Variants in RABGAP1 observed in about 807,000 individuals in gnomAD.
The protein encoded by RABGAP1 is RAB GTPase activating protein 1, also known as rab GTPase-activating protein 1.
Under a neutral mutation model 137.6 loss-of-function variants are expected in RABGAP1, and 23 were observed. That is an observed-to-expected ratio of 0.17 (90% CI 0.12 to 0.24). The LOEUF is 0.24. RABGAP1 is among the 10% of genes least tolerant of loss of function. The pLI is 1.00. For missense variants in RABGAP1, 906 were observed against 1,275.8 expected, an observed-to-expected ratio of 0.71 and a Z score of 4.42; for synonymous variants, 451 against 450.7, an observed-to-expected ratio of 1.00 and a Z score of -0.01.
chr9:122,987,029 C>T (rs1019172554), intron 4 of RABGAP1, among the ~76,000 whole-genome samples: 2 of 152,068 alleles, frequency 1.3e-5, no homozygotes, highest in Admixed American at 6.6e-5. Context: ...CCCAGCTACT[C>T]AGGAGGCTGA....
intron 12 of RABGAP1, among the ~76,000 whole-genome samples, chr9:123,017,853 G>C (rs2031345336): frequency 6.6e-6 from 1 of 152,156 alleles, no homozygotes; most frequent in Non-Finnish European, 1.5e-5. Flanking sequence ...TGGTGCATAG[G>C]TTAAGGCATT....
At chr9:122,938,690 CATA>C (rs1170183014), upstream of RABGAP1, 14 of 152,084 alleles carry the variant, frequency 9.2e-5, no homozygotes, top group African/African-American at 3.4e-4. Context: ...ATGTATCTAA[CATA>C]ATATCTAACA....
chr9:123,024,859 T>C (rs1387535486), intron 13 of RABGAP1, among the ~76,000 whole-genome samples: 1 of 152,232 alleles, frequency 6.6e-6, no homozygotes, highest in Non-Finnish European at 1.5e-5. Flanking sequence ...CTAAACACTC[T>C]CCATATATTA....
chr9:123,031,693 A>G (rs1040408662), intron 13 of RABGAP1, among the ~76,000 whole-genome samples: 1 of 152,148 alleles, frequency 6.6e-6, no homozygotes, highest in African/African-American at 2.4e-5. Context: ...ATTGATTCCT[A>G]AGTTTCATAC....
At chr9:122,993,460 C>CG (rs1219453061) in intron 6 of RABGAP1, among the ~76,000 whole-genome samples, 8 of 152,148 alleles carry the variant, frequency 5.3e-5, no homozygotes, top group African/African-American at 1.9e-4. Flanking sequence ...TTAGTAGAGA[C>CG]GGGGTTTCAC....
the RABGAP1 span, among the ~76,000 whole-genome samples, chr9:122,934,590 C>T: frequency 6.6e-6 from 1 of 152,004 alleles, no homozygotes; most frequent in Non-Finnish European, 1.5e-5. Flanking sequence ...GAAGCTGGAA[C>T]TCCTGAGCTC....
rs10675843 is a variant in RABGAP1, at chr9:123,103,963, TTG to T, written c.*782_*783del. Reference sequence around the variant, plus strand: ...ACAAATCTTATTTTGCTTAATGTGTTTGTGTGTGTGTGTGTGTGTGTGTGTGT... The same window carrying T: ...ACAAATCTTATTTTGCTTAATGTGTTTGTGTGTGTGTGTGTGTGTGTGTGT... On this transcript the variant is annotated 3_prime_UTR_variant, in exon 26 of 26. Coordinates refer to ENST00000373647, the MANE Select transcript of RABGAP1 (RefSeq NM_012197.4). 37,817 of 141,254 alleles carry T rather than the reference TTG, an allele frequency of 0.27. 5,673 individuals carry two copies. The highest frequency in any genetic ancestry group is 0.36 in the Non-Finnish European group (23,771 of 65,646). The allele number at this position is 141,254 out of a possible 1,614,324, so 8.8% of individuals were successfully genotyped here.
chr9:122,944,469 A>G (rs12338141), intron 1 of RABGAP1, among the ~76,000 whole-genome samples: 11 of 152,094 alleles, frequency 7.2e-5, no homozygotes, highest in African/African-American at 2.4e-4. Context: ...GCCTCAAGCA[A>G]TCCTCCCACT....
the RABGAP1 span, among the ~76,000 whole-genome samples, chr9:122,931,955 A>G: frequency 6.6e-6 from 1 of 151,972 alleles, no homozygotes; most frequent in Non-Finnish European, 1.5e-5. Flanking sequence ...TCACTTTTGG[A>G]TGTGTTTTTC....
upstream of RABGAP1, among the ~76,000 whole-genome samples, chr9:122,937,470 G>T (rs1190715182): frequency 6.6e-6 from 1 of 152,064 alleles, no homozygotes; most frequent in African/African-American, 2.4e-5. Flanking sequence ...GGTGGCGTAC[G>T]CCTGTAATCT....
intron 10 of RABGAP1, among the ~76,000 whole-genome samples, chr9:123,008,777 G>T (rs2030539557): frequency 1.3e-5 from 2 of 151,996 alleles, no homozygotes; most frequent in Non-Finnish European, 1.5e-5. Flanking sequence ...GCAAAACTCT[G>T]AGTACTTGTG....
rs1421374725 is a variant in RABGAP1 at position 123,103,406 on chromosome 9, C to T, written c.*193C>T. On this transcript the variant is annotated 3_prime_UTR_variant, in exon 26 of 26. Coordinates refer to ENST00000373647, the MANE Select transcript of RABGAP1 (RefSeq NM_012197.4). ...TCTGGGGTAAGACTACTGATACTAACAGGCCTGCTAGCTCAGCCGACGCTC... is the reference window on the plus strand; with the variant it reads ...TCTGGGGTAAGACTACTGATACTAATAGGCCTGCTAGCTCAGCCGACGCTC... The T allele has an allele frequency of 1.3e-6, 1 of 752,938 alleles. No homozygotes were observed. Among genetic ancestry groups the T allele is most frequent in the East Asian group, 3.2e-5 (1 of 31,086 alleles). The allele number at this position is 752,938 out of a possible 1,614,324, so 46.6% of individuals were successfully genotyped here.
chr9:123,060,033 G>A (rs76530451), intron 13 of RABGAP1, among the ~76,000 whole-genome samples: 2,396 of 152,290 alleles, frequency 0.016, 35 homozygotes, highest in South Asian at 0.066. Context: ...ATGATTCATG[G>A]TAGCTAGAAT....
intron 23 of RABGAP1, among the ~76,000 whole-genome samples, 184 bp downstream of exon 23, chr9:123,098,982 G>A (rs985906830): frequency 2.6e-5 from 4 of 151,722 alleles, no homozygotes; most frequent in African/African-American, 9.7e-5. Context: ...AATCATCCCT[G>A]CCTAGGAAGG....
intron 2 of RABGAP1, among the ~76,000 whole-genome samples, chr9:122,977,528 C>A (rs1380575808): frequency 6.6e-6 from 1 of 152,006 alleles, no homozygotes; most frequent in Non-Finnish European, 1.5e-5. Flanking sequence ...ATGGTGAAAC[C>A]CACCCCATCT....
At position 123,070,246 on chromosome 9, in the gene RABGAP1, T is replaced by TG; in HGVS notation, c.1909-101dup. On this transcript the variant is annotated intron_variant, in intron 14 of 25. Coordinates refer to ENST00000373647, the MANE Select transcript of RABGAP1 (RefSeq NM_012197.4). The surrounding 1 kb of genome is among the most constrained non-coding windows in gnomAD (Gnocchi z 4.4). Reference sequence around the variant, plus strand: ...TGTCTGTCAAAATGCTGTCCCAGTGTGGGTAGCATCCTCCAGGGTTCTGTA... The same window carrying TG: ...TGTCTGTCAAAATGCTGTCCCAGTGTGGGGTAGCATCCTCCAGGGTTCTGTA... 1 of 1,538,040 alleles carries TG rather than the reference T, an allele frequency of 6.5e-7. No individual in the cohort carries two copies. The highest frequency in any genetic ancestry group is 8.7e-7 in the Non-Finnish European group (1 of 1,144,686).
At chr9:122,995,915 T>C (rs1248108145) in intron 6 of RABGAP1, 126 bp from the exon 7 acceptor site, 1 of 1,436,362 alleles carries the variant, frequency 7.0e-7, no homozygotes, top group African/African-American at 1.5e-5. Flanking sequence ...TTTTTTTCTT[T>C]TTTGTTATTA....
At chr9:122,959,058 T>TA (rs564445807) in intron 2 of RABGAP1, among the ~76,000 whole-genome samples, 8 of 151,884 alleles carry the variant, frequency 5.3e-5, no homozygotes, top group Non-Finnish European at 1.2e-4. Context: ...GAGGAATAAA[T>TA]AAAAAACAGT....
chr9:123,064,298 A>C (rs932064843), intron 13 of RABGAP1, among the ~76,000 whole-genome samples: 2 of 152,236 alleles, frequency 1.3e-5, no homozygotes, highest in Non-Finnish European at 1.5e-5. Context: ...AACATATGCC[A>C]CTAAAGCTCT....
Sources: allele counts gnomAD v4.1 joint callset (sites outside exome capture counted in the v4.1 genomes callset), GRCh38; gene constraint gnomAD v4.1.1; non-coding constraint Gnocchi (gnomAD v3.1); transcripts MANE v1.5; gene names NCBI Gene and HGNC (gene_info 2026-07-23, HGNC 2026-07-21).